The following TNFRSF19 variants were observed in gnomAD, a reference collection of about 807,000 sequenced individuals.
The protein encoded by TNFRSF19 is TNF receptor superfamily member 19, also known as tumor necrosis factor receptor superfamily member 19.
A neutral mutation model predicts 46.4 loss-of-function variants in TNFRSF19; 27 were observed. That is an observed-to-expected ratio of 0.58 (90% CI 0.43 to 0.80). The LOEUF (loss-of-function observed/expected upper bound fraction) is 0.80, where lower values mean the gene tolerates loss of function less well. TNFRSF19 is among the 30% of genes least tolerant of loss of function. TNFRSF19 has a pLI of 0.00. For synonymous variants in TNFRSF19, 204 were observed against 205.0 expected (o/e 1.00, Z 0.04); for missense variants, 511 against 530.8 (o/e 0.96, Z 0.37).
intron 5 of TNFRSF19, among the ~76,000 whole-genome samples, chr13:23,655,508 G>A (rs980233282): frequency 6.6e-6 from 1 of 152,098 alleles, no homozygotes; most frequent in Non-Finnish European, 1.5e-5. Context: ...AATAAGATAC[G>A]GGCAGAATTC....
intron 3 of TNFRSF19, among the ~76,000 whole-genome samples, chr13:23,614,752 T>TATAAGTA (rs1881150148): frequency 1.1e-5 from 1 of 91,128 alleles, no homozygotes; most frequent in African/African-American, 3.2e-5. Context: ...AATACATATA[T>TATAAGTA]ATATATATAT....
At chr13:23,638,002 A>C (rs1461758430) in intron 5 of TNFRSF19, among the ~76,000 whole-genome samples, 1 of 152,192 alleles carries the variant, frequency 6.6e-6, no homozygotes, top group Non-Finnish European at 1.5e-5. Flanking sequence ...GGATTCCCAG[A>C]TGGCAGCGCC....
intron 1 of TNFRSF19, among the ~76,000 whole-genome samples, chr13:23,580,306 C>T (rs995068626): frequency 3.5e-5 from 5 of 143,500 alleles, no homozygotes; most frequent in Admixed American, 7.0e-5. Context: ...CATACAAAAT[C>T]ATCACCATTG....
intron 3 of TNFRSF19, among the ~76,000 whole-genome samples, chr13:23,603,767 A>G (rs1022792849): frequency 6.6e-6 from 1 of 152,002 alleles, no homozygotes; most frequent in Non-Finnish European, 1.5e-5. Context: ...TCTAACACCC[A>G]TTCATGATTA....
chr13:23,627,832 G>T (rs1331498892), intron 5 of TNFRSF19, among the ~76,000 whole-genome samples: 55 of 152,198 alleles, frequency 3.6e-4, no homozygotes, highest in Non-Finnish European at 2.2e-4. Context: ...CTTTCCAAGA[G>T]TGTCATGGAA....
intron 4 of TNFRSF19, among the ~76,000 whole-genome samples, chr13:23,622,667 G>A (rs1009104262): frequency 6.6e-6 from 1 of 152,094 alleles, no homozygotes; most frequent in Non-Finnish European, 1.5e-5. Context: ...CTTTTTAAGT[G>A]TTAAAAGATG....
intron 2 of TNFRSF19, among the ~76,000 whole-genome samples, chr13:23,591,974 C>T (rs1206546178): frequency 2.0e-5 from 3 of 152,154 alleles, no homozygotes; most frequent in African/African-American, 4.8e-5. Flanking sequence ...ATCTGCCCAC[C>T]TGGGCCTTCC....
intron 5 of TNFRSF19, among the ~76,000 whole-genome samples, chr13:23,636,553 C>A (rs1427407879): frequency 1.3e-5 from 2 of 152,154 alleles, no homozygotes; most frequent in African/African-American, 4.8e-5. Context: ...GCCAACTTCC[C>A]AGTTCTCAGG....
intron 5 of TNFRSF19, 111 bp from the exon 6 acceptor site, chr13:23,658,939 C>T (rs2138387884): frequency 7.2e-7 from 1 of 1,389,096 alleles, no homozygotes; most frequent in Non-Finnish European, 1.0e-6. Context: ...TATCTCATGC[C>T]AGTTTTCTCA....
chr13:23,645,625 C>T (rs1883286518), intron 5 of TNFRSF19, among the ~76,000 whole-genome samples: 1 of 152,152 alleles, frequency 6.6e-6, no homozygotes, highest in Non-Finnish European at 1.5e-5. Context: ...GAGGCTGACT[C>T]CTCCTCTATC....
chr13:23,605,252 A>G (rs1880429817), intron 3 of TNFRSF19, among the ~76,000 whole-genome samples: 1 of 152,168 alleles, frequency 6.6e-6, no homozygotes, highest in Non-Finnish European at 1.5e-5. Flanking sequence ...AATTTAAGCA[A>G]CGCGATATCA....
chr13:23,600,970 T>C (rs367560882), intron 3 of TNFRSF19, among the ~76,000 whole-genome samples: 1 of 152,210 alleles, frequency 6.6e-6, no homozygotes, highest in Non-Finnish European at 1.5e-5. Context: ...TTGGCAGGGA[T>C]CTTGGAGTTA....
chr13:23,652,772 G>A (rs1816865563), intron 5 of TNFRSF19, among the ~76,000 whole-genome samples: 1 of 152,182 alleles, frequency 6.6e-6, no homozygotes, highest in Admixed American at 6.5e-5. Flanking sequence ...GATTGGACAA[G>A]TCCCCATTAA....
chr13:23,575,216 A>T, intron 1 of TNFRSF19, among the ~76,000 whole-genome samples: 1 of 152,234 alleles, frequency 6.6e-6, no homozygotes, highest in East Asian at 1.9e-4. Flanking sequence ...ACTCATGAAA[A>T]GGGTCTAGCC....
chr13:23,639,992 T>C (rs1002902492), intron 5 of TNFRSF19, among the ~76,000 whole-genome samples: 2 of 152,076 alleles, frequency 1.3e-5, no homozygotes, highest in African/African-American at 4.8e-5. Context: ...TGTACTCAGG[T>C]TAGTAAGGAC....
chr13:23,582,887 A>T (rs1385185067), intron 1 of TNFRSF19, among the ~76,000 whole-genome samples: 1 of 152,194 alleles, frequency 6.6e-6, no homozygotes, highest in Admixed American at 6.5e-5. Flanking sequence ...ACATTATTAC[A>T]GGTATCAAAA....
chr13:23,571,053 A>T (rs1877605823), intron 1 of TNFRSF19, among the ~76,000 whole-genome samples: 2 of 152,212 alleles, frequency 1.3e-5, no homozygotes, highest in African/African-American at 4.8e-5. Context: ...AGTAGTTTGT[A>T]CAAGAGGGTT....
intron 1 of TNFRSF19, among the ~76,000 whole-genome samples, chr13:23,580,742 C>T (rs924883594): frequency 1.3e-5 from 2 of 152,238 alleles, no homozygotes; most frequent in African/African-American, 4.8e-5. Flanking sequence ...AGCTTCTTTG[C>T]ATAACACTTA....
chr13:23,574,430 A>G (rs1593222082), intron 1 of TNFRSF19, among the ~76,000 whole-genome samples: 1 of 150,678 alleles, frequency 6.6e-6, no homozygotes. Flanking sequence ...CAAACATTAT[A>G]GCCAAAATTT....
Sources: gnomAD v4.1 joint callset for allele counts (sites outside exome capture counted in the v4.1 genomes callset) on GRCh38, gnomAD v4.1.1 for gene constraint, MANE v1.5 for transcripts, NCBI Gene and HGNC (gene_info 2026-07-23, HGNC 2026-07-21) for gene names.